GRB14: variants seen among roughly 807,000 people sequenced by gnomAD.
The protein encoded by GRB14 is growth factor receptor-bound protein 14.
A neutral mutation model predicts 69.1 loss-of-function variants in GRB14; 38 were observed. That is an observed-to-expected ratio of 0.55 (90% CI 0.42 to 0.72). The LOEUF is 0.72. Ranked by LOEUF, GRB14 falls within the 30% of genes least tolerant of loss-of-function variation. The pLI is 0.00. For missense variants in GRB14, 666 were observed against 666.1 expected, an observed-to-expected ratio of 1.00 and a Z score of 0.00; for synonymous variants, 247 against 241.3, an observed-to-expected ratio of 1.02 and a Z score of -0.22.
chr2:164,513,939 T>C (rs1381703248), intron 6 of GRB14, among the ~76,000 whole-genome samples: 1 of 152,192 alleles, frequency 6.6e-6, no homozygotes, highest in Non-Finnish European at 1.5e-5. Flanking sequence ...AAAGACTATA[T>C]AACATAATGG....
chr2:164,528,098 A>C (rs1176631136), intron 3 of GRB14, among the ~76,000 whole-genome samples: 1 of 152,120 alleles, frequency 6.6e-6, no homozygotes, highest in Non-Finnish European at 1.5e-5. Flanking sequence ...GATTCTACTT[A>C]CATAAGGTTC....
At chr2:164,557,713 T>C (rs1032876763) in intron 2 of GRB14, among the ~76,000 whole-genome samples, 1 of 152,166 alleles carries the variant, frequency 6.6e-6, no homozygotes, top group African/African-American at 2.4e-5. Flanking sequence ...GTATAGCTCT[T>C]ATCATTAAGG....
chr2:164,568,414 A>G, intron 2 of GRB14: 1 of 1,260,014 alleles, frequency 7.9e-7, no homozygotes, highest in Non-Finnish European at 1.0e-6. Flanking sequence ...CTCGTAGGTC[A>G]TGGACAAAAT....
intron 2 of GRB14, among the ~76,000 whole-genome samples, chr2:164,602,194 A>AGGGAG (rs1689932432): frequency 6.8e-6 from 1 of 147,746 alleles, no homozygotes; most frequent in East Asian, 2.1e-4. Flanking sequence ...AGGGAAGGGA[A>AGGGAG]GGGAGGGGAG....
chr2:164,535,475 G>T (rs1195715159), intron 3 of GRB14, among the ~76,000 whole-genome samples: 8 of 152,056 alleles, frequency 5.3e-5, no homozygotes, highest in Non-Finnish European at 1.2e-4. Flanking sequence ...ATAGAAACCT[G>T]AGTCCCTACT....
At chr2:164,618,893 G>A (rs1031101373) in intron 2 of GRB14, among the ~76,000 whole-genome samples, 3 of 152,164 alleles carry the variant, frequency 2.0e-5, no homozygotes, top group African/African-American at 7.2e-5. Flanking sequence ...ACCCTTGTAA[G>A]AATAAGGTGC....
chr2:164,499,360 A>T (rs1686990156), intron 9 of GRB14, among the ~76,000 whole-genome samples: 1 of 152,158 alleles, frequency 6.6e-6, no homozygotes, highest in Non-Finnish European at 1.5e-5. Flanking sequence ...AACTAGATTA[A>T]CGGAAAACAC....
At chr2:164,561,437 G>GCAA (rs1688826778) in intron 2 of GRB14, among the ~76,000 whole-genome samples, 1 of 152,138 alleles carries the variant, frequency 6.6e-6, no homozygotes, top group South Asian at 2.1e-4. Flanking sequence ...CTGACCTGAT[G>GCAA]GTTGAATCAC....
chr2:164,508,369 G>T, intron 8 of GRB14, 86 bp downstream of exon 8: 1 of 1,026,956 alleles, frequency 9.7e-7, no homozygotes, highest in Non-Finnish European at 1.5e-6. Flanking sequence ...CACCCAGTGA[G>T]ACTTCACGTT....
At chr2:164,509,056 A>C (rs1687270784) in intron 6 of GRB14, among the ~76,000 whole-genome samples, 1 of 152,218 alleles carries the variant, frequency 6.6e-6, no homozygotes, top group Non-Finnish European at 1.5e-5. Flanking sequence ...TAATTTGAGA[A>C]GTGAAAATTT....
At chr2:164,573,792 G>A in intron 2 of GRB14, 1 of 1,612,630 alleles carries the variant, frequency 6.2e-7, no homozygotes, top group South Asian at 1.1e-5. Context: ...CAGTGTATCA[G>A]CATTAACATG....
intron 2 of GRB14, among the ~76,000 whole-genome samples, chr2:164,567,067 C>T (rs1030741497): frequency 1.3e-5 from 2 of 152,060 alleles, no homozygotes; most frequent in African/African-American, 4.8e-5. Context: ...GTTAATATGC[C>T]TTTTCACATC....
At chr2:164,544,933 C>G (rs1027047785) in intron 3 of GRB14, among the ~76,000 whole-genome samples, 4 of 152,192 alleles carry the variant, frequency 2.6e-5, no homozygotes, top group African/African-American at 9.7e-5. Flanking sequence ...AAAAATGAAT[C>G]CTTCTAAGAA....
chr2:164,590,010 A>G (rs1447970926), intron 2 of GRB14, among the ~76,000 whole-genome samples: 1 of 152,014 alleles, frequency 6.6e-6, no homozygotes, highest in East Asian at 1.9e-4. Flanking sequence ...TAGGGGCACT[A>G]AGCCTGTTCA....
chr2:164,577,960 C>A (rs888476802), intron 2 of GRB14, among the ~76,000 whole-genome samples: 5 of 152,144 alleles, frequency 3.3e-5, no homozygotes, highest in Non-Finnish European at 5.9e-5. Context: ...AATGGCCGGG[C>A]GTGGTGGCTC....
rs190784010 is a variant in GRB14 at position 164,574,546 on chromosome 2, T to C, written c.325-26730A>G. ...CCACCATGCCCAGCCAGAAAAATTA[T>C]CTTAAATTTAAGAAACATTAGACAG... On this transcript the variant is annotated intron_variant, in intron 2 of 13. Coordinates refer to ENST00000263915, the MANE Select transcript of GRB14 (RefSeq NM_004490.3). Among the ~76,000 whole-genome samples the C allele has an allele frequency of 1.6e-4, 24 of 152,242 alleles. No homozygotes were observed. In the East Asian group the frequency reaches 4.5e-3, roughly 28 times the overall value.
intron 2 of GRB14, among the ~76,000 whole-genome samples, chr2:164,567,348 T>C (rs1478415476): frequency 1.3e-5 from 2 of 152,158 alleles, no homozygotes; most frequent in Non-Finnish European, 2.9e-5. Context: ...CACTTCGTTT[T>C]TAAAAACTAT....
intron 6 of GRB14, among the ~76,000 whole-genome samples, chr2:164,509,335 C>T (rs140735036): frequency 6.6e-6 from 1 of 152,236 alleles, no homozygotes; most frequent in Non-Finnish European, 1.5e-5. Context: ...CATTTGTGTA[C>T]AGTGGAACAC....
chr2:164,572,430 A>C (rs1689143920), intron 2 of GRB14, among the ~76,000 whole-genome samples: 1 of 152,196 alleles, frequency 6.6e-6, no homozygotes, highest in Non-Finnish European at 1.5e-5. Flanking sequence ...ACTTCTGTGC[A>C]TCTTTCAAGG....
Sources: allele counts gnomAD v4.1 joint callset (sites outside exome capture counted in the v4.1 genomes callset), GRCh38; gene constraint gnomAD v4.1.1; transcripts MANE v1.5; gene names NCBI Gene and HGNC (gene_info 2026-07-23, HGNC 2026-07-21).